The following TEX26 variants were observed in gnomAD, a reference collection of about 807,000 sequenced individuals.
TEX26 encodes the protein testis expressed 26.
A neutral mutation model predicts 35.3 loss-of-function variants in TEX26; 34 were observed. The observed-to-expected ratio is 0.96, with a 90% CI of 0.73 to 1.28. The LOEUF (loss-of-function observed/expected upper bound fraction) is 1.28. TEX26 is among the 50% of genes most tolerant of loss of function. The pLI is 0.00. For synonymous variants in TEX26, 136 were observed against 111.8 expected (o/e 1.22, Z -1.36); for missense variants, 371 against 330.1 (o/e 1.12, Z -0.96).
intron 4 of TEX26, among the ~76,000 whole-genome samples, chr13:30,962,038 T>A (rs771949059): frequency 1.3e-5 from 2 of 152,086 alleles, no homozygotes; most frequent in Non-Finnish European, 2.9e-5. Flanking sequence ...GCATTCCAAC[T>A]CATCTCCTTC....
intron 4 of TEX26, among the ~76,000 whole-genome samples, chr13:30,961,059 T>C (rs951188159): frequency 6.6e-5 from 10 of 152,226 alleles, no homozygotes; most frequent in Non-Finnish European, 1.0e-4. Flanking sequence ...TATTTGTGGA[T>C]CAGTCTCTCC....
chr13:30,971,402 T>C (rs759228019), intron 6 of TEX26, among the ~76,000 whole-genome samples: 2 of 151,950 alleles, frequency 1.3e-5, no homozygotes, highest in Non-Finnish European at 2.9e-5. Flanking sequence ...AATAGAAGCC[T>C]AGAACAGGTA....
chr13:30,947,903 C>A (rs1157153690), intron 2 of TEX26, among the ~76,000 whole-genome samples: 1 of 151,980 alleles, frequency 6.6e-6, no homozygotes, highest in Admixed American at 6.6e-5. Flanking sequence ...CCCCACCCCA[C>A]AACTGTCCCT....
At chr13:30,945,015 T>C (rs557657150) in intron 2 of TEX26, among the ~76,000 whole-genome samples, 9 of 152,186 alleles carry the variant, frequency 5.9e-5, no homozygotes, top group Non-Finnish European at 8.8e-5. Context: ...TCTGTCTCAA[T>C]GATCTGTCTA....
chr13:30,960,079 C>A (rs932944403), intron 4 of TEX26, among the ~76,000 whole-genome samples: 2 of 152,170 alleles, frequency 1.3e-5, no homozygotes, highest in Non-Finnish European at 2.9e-5. Flanking sequence ...AAAGACATTT[C>A]CAGATTGACA....
At chr13:30,943,333 T>C (rs1953583582) in intron 2 of TEX26, among the ~76,000 whole-genome samples, 2 of 152,110 alleles carry the variant, frequency 1.3e-5, no homozygotes. Flanking sequence ...CTGATTTGTG[T>C]ACATTGATTT....
intron 2 of TEX26, among the ~76,000 whole-genome samples, chr13:30,942,874 C>T (rs1325838013): frequency 6.6e-6 from 1 of 151,836 alleles, no homozygotes; most frequent in African/African-American, 2.4e-5. Context: ...CAGTACCATG[C>T]TCTTTTGGTA....
At chr13:30,965,370 A>G (rs1954490205) in intron 4 of TEX26, among the ~76,000 whole-genome samples, 1 of 152,232 alleles carries the variant, frequency 6.6e-6, no homozygotes, top group South Asian at 2.1e-4. Flanking sequence ...TTTTGAAAAG[A>G]TCTATTGGAA....
chr13:30,965,331 G>A (rs537602714), intron 4 of TEX26, among the ~76,000 whole-genome samples: 10 of 152,078 alleles, frequency 6.6e-5, no homozygotes, highest in African/African-American at 1.7e-4. Context: ...ATTATAAATC[G>A]TTTGATACAT....
intron 5 of TEX26, among the ~76,000 whole-genome samples, chr13:30,967,796 A>G (rs1410695731): frequency 1.3e-5 from 2 of 152,222 alleles, no homozygotes; most frequent in Non-Finnish European, 2.9e-5. Context: ...ACATTAAATG[A>G]GCAATATTCA....
chr13:30,969,776 A>G (rs1198722022), intron 6 of TEX26, among the ~76,000 whole-genome samples: 1 of 152,324 alleles, frequency 6.6e-6, no homozygotes, highest in East Asian at 1.9e-4. Context: ...AAATATATTC[A>G]TATGCCAACT....
At position 30,956,959 on chromosome 13, in the gene TEX26, A is replaced by G. The variant is rs757502138; in HGVS notation, c.399A>G (p.Lys133=). 1 of 1,614,238 alleles carries G rather than the reference A, an allele frequency of 6.2e-7. No individual in the cohort carries two copies. The highest frequency in any genetic ancestry group is 8.5e-7 in the Non-Finnish European group (1 of 1,180,030). ...CTTGGAAAATCCCGGCTTCAATGAA[A>G]GAAGTTAACAAGGCACTATCAAATC... The part of the protein sequence containing the change: ...CLPWKIPASM[K]EVNKALSNQF... Residue 133 remains lysine (K), a synonymous_variant, in exon 4 of 7, where the codon AAA becomes AAG. Coordinates refer to ENST00000380473, the MANE Select transcript of TEX26 (RefSeq NM_152325.3).
intron 4 of TEX26, 32 bp downstream of exon 4, chr13:30,957,061 G>A (rs2138278268): frequency 1.9e-6 from 3 of 1,604,232 alleles, no homozygotes; most frequent in African/African-American, 1.3e-5. Flanking sequence ...TTTTTCCTGG[G>A]TCATGTGGTA....
chr13:30,966,586 C>T lies in TEX26; in HGVS notation c.646+188C>T, dbSNP rs550672891. On this transcript the variant is annotated intron_variant, in intron 5 of 6. Transcript: ENST00000380473. ...CCGAGTAGCTAGGATTACAGGTGCG[C>T]ACCACCATGCCCAGCTAATTCTTTG... 1.8e-3 allele frequency among the ~76,000 whole-genome samples: 269 copies of T among 152,042 alleles called. 2 individuals carry two copies. Among genetic ancestry groups the T allele is most frequent in the East Asian group, 7.7e-4 (4 of 5,168 alleles).
intron 2 of TEX26, among the ~76,000 whole-genome samples, chr13:30,945,600 C>A (rs1379711013): frequency 6.6e-6 from 1 of 151,868 alleles, no homozygotes; most frequent in Non-Finnish European, 1.5e-5. Flanking sequence ...GGACTTAGAA[C>A]TCCTTTTAGC....
At chr13:30,953,933 T>C (rs1954025682) in intron 3 of TEX26, among the ~76,000 whole-genome samples, 1 of 152,158 alleles carries the variant, frequency 6.6e-6, no homozygotes, top group African/African-American at 2.4e-5. Context: ...ACTAAAAGGA[T>C]GCAAAGGATA....
intron 1 of TEX26, chr13:30,933,100 A>G: frequency 3.9e-6 from 1 of 253,428 alleles, no homozygotes; most frequent in Non-Finnish European, 7.6e-6. Flanking sequence ...GGCCAAAGGC[A>G]AAGAAGAAAG....
At position 30,968,318 on chromosome 13, in the gene TEX26, G is replaced by A. The variant is rs756596644; in HGVS notation, c.647-567G>A. 2.0e-5 allele frequency among the ~76,000 whole-genome samples: 3 copies of A among 152,134 alleles called. No homozygotes were observed. In the East Asian group the frequency reaches 5.8e-4, roughly 29 times the overall value. On this transcript the variant is annotated intron_variant, in intron 5 of 6. Coordinates refer to ENST00000380473, the MANE Select transcript of TEX26 (RefSeq NM_152325.3). Reference sequence around the variant, plus strand: ...GTTCAGTGGTAGCAGCCCCCAGAGAGAATGATGGTAAAGGTTTCTTTTAGA... The same window carrying A: ...GTTCAGTGGTAGCAGCCCCCAGAGAAAATGATGGTAAAGGTTTCTTTTAGA...
chr13:30,939,631 AAAC>A (rs1953401614), intron 1 of TEX26, 60 bp from the exon 2 acceptor site: 1 of 1,418,930 alleles, frequency 7.0e-7, no homozygotes. Flanking sequence ...TTAATTGTTA[AAAC>A]AACATTTCTT....
Sources: gnomAD v4.1 joint callset for allele counts (sites outside exome capture counted in the v4.1 genomes callset) on GRCh38, gnomAD v4.1.1 for gene constraint, MANE v1.5 for transcripts, NCBI Gene and HGNC (gene_info 2026-07-23, HGNC 2026-07-21) for gene names.